Variants in EIF3CL observed in about 807,000 individuals in gnomAD.
EIF3CL encodes the protein eukaryotic translation initiation factor 3 subunit C-like protein.
For missense variants in EIF3CL, 5 were observed against 56.1 expected (o/e 0.09, Z 2.91); for synonymous variants, 2 against 19.6 (o/e 0.10, Z 2.37).
chr16:28,418,742 G>A, the EIF3CL span, among the ~76,000 whole-genome samples: 1 of 151,406 alleles, frequency 6.6e-6, no homozygotes, highest in Admixed American at 6.6e-5. Flanking sequence ...GGATTCTCCT[G>A]CCTCAGCATC....
chr16:28,423,853 G>A, the EIF3CL span, among the ~76,000 whole-genome samples: 2 of 111,664 alleles, frequency 1.8e-5, no homozygotes, highest in Admixed American at 1.1e-4. Context: ...ACGGAGTCTT[G>A]CTCTGTTGCC....
the EIF3CL span, among the ~76,000 whole-genome samples, chr16:28,410,851 C>G: frequency 8.5e-6 from 1 of 118,170 alleles, no homozygotes; most frequent in African/African-American, 3.1e-5. Flanking sequence ...ATCATCCTGC[C>G]TCAGCCTCCC....
the EIF3CL span, among the ~76,000 whole-genome samples, chr16:28,422,662 G>A: frequency 7.5e-5 from 11 of 146,516 alleles, no homozygotes; most frequent in African/African-American, 1.5e-4. Flanking sequence ...GTGAAACCCC[G>A]TCTTTACTAA....
At chr16:28,403,167 T>C (rs1276051098) in intron 2 of EIF3CL, among the ~76,000 whole-genome samples, 1 of 131,234 alleles carries the variant, frequency 7.6e-6, no homozygotes, top group Non-Finnish European at 1.7e-5. Context: ...CAATCAAGCA[T>C]TTTGCATTTC....
intron 15 of EIF3CL, among the ~76,000 whole-genome samples, chr16:28,385,425 G>C (rs1222843191): frequency 2.5e-5 from 3 of 120,482 alleles, no homozygotes; most frequent in African/African-American, 8.6e-5. Flanking sequence ...TCGACCTCCT[G>C]AGCTCAAGCA....
the EIF3CL span, among the ~76,000 whole-genome samples, chr16:28,417,254 C>G: frequency 2.0e-5 from 3 of 149,610 alleles, no homozygotes; most frequent in Admixed American, 2.0e-4. Context: ...CGCCTCTGCC[C>G]GGCCGCCCCT....
chr16:28,417,789 T>C, the EIF3CL span, among the ~76,000 whole-genome samples: 1 of 129,254 alleles, frequency 7.7e-6, no homozygotes, highest in South Asian at 2.3e-4. Context: ...TCCCCCTCTG[T>C]GAGAAACACC....
the EIF3CL span, among the ~76,000 whole-genome samples, chr16:28,412,267 GTT>G: frequency 1.7e-3 from 22 of 12,884 alleles, no homozygotes; most frequent in Non-Finnish European, 2.5e-3. Context: ...CTAGTAGCTA[GTT>G]TTTTTTTTTT....
At chr16:28,422,594 A>C in the EIF3CL span, among the ~76,000 whole-genome samples, 11 of 141,406 alleles carry the variant, frequency 7.8e-5, no homozygotes, top group Admixed American at 8.1e-4. Context: ...GCAATCTGGG[A>C]GGCCGAAGCA....
At chr16:28,385,433 G>A (rs1350852989) in intron 15 of EIF3CL, among the ~76,000 whole-genome samples, 2 of 119,962 alleles carry the variant, frequency 1.7e-5, no homozygotes, top group Non-Finnish European at 3.7e-5. Context: ...CTGAGCTCAA[G>A]CAATCCTACC....
the EIF3CL span, among the ~76,000 whole-genome samples, chr16:28,415,179 C>T: frequency 9.8e-6 from 1 of 102,370 alleles, no homozygotes; most frequent in Non-Finnish European, 1.9e-5. Flanking sequence ...TCCCCCTCCC[C>T]GCCCTCTCCA....
the EIF3CL span, among the ~76,000 whole-genome samples, chr16:28,417,073 G>A: frequency 2.5e-5 from 2 of 79,364 alleles, no homozygotes; most frequent in African/African-American, 9.6e-5. Context: ...GGGCGCCTCT[G>A]CCCGGCCGCC....
chr16:28,417,222 G>T, the EIF3CL span, among the ~76,000 whole-genome samples: 2 of 149,048 alleles, frequency 1.3e-5, no homozygotes, highest in Non-Finnish European at 3.0e-5. Context: ...CCGGCGAGCC[G>T]CCCCATCCGG....
chr16:28,417,872 C>CAAAAA, the EIF3CL span, among the ~76,000 whole-genome samples: 6 of 109,678 alleles, frequency 5.5e-5, no homozygotes, highest in African/African-American at 2.0e-4. Context: ...TTTAGGAATG[C>CAAAAA]AAAAAAAAAA....
At chr16:28,423,864 C>G in the EIF3CL span, among the ~76,000 whole-genome samples, 1 of 117,430 alleles carries the variant, frequency 8.5e-6, no homozygotes, top group African/African-American at 2.7e-5. Flanking sequence ...CTCTGTTGCC[C>G]AGGCTGGAGT....
At chr16:28,417,789 T>TGA in the EIF3CL span, among the ~76,000 whole-genome samples, 1 of 129,254 alleles carries the variant, frequency 7.7e-6, no homozygotes, top group Non-Finnish European at 1.6e-5. Context: ...TCCCCCTCTG[T>TGA]GAGAAACACC....
At chr16:28,402,335 G>A (rs2045660618) in intron 2 of EIF3CL, among the ~76,000 whole-genome samples, 1 of 143,002 alleles carries the variant, frequency 7.0e-6, no homozygotes, top group South Asian at 2.2e-4. Context: ...TATCGCCCAG[G>A]CTGCAGTGCA....
upstream of EIF3CL, among the ~76,000 whole-genome samples, chr16:28,406,253 G>GTA (rs1485258587): frequency 2.5e-4 from 4 of 15,720 alleles, no homozygotes; most frequent in East Asian, 3.2e-3. Context: ...ATATGTGTGT[G>GTA]TGTATATATA....
chr16:28,417,249 C>G, the EIF3CL span, among the ~76,000 whole-genome samples: 1 of 149,652 alleles, frequency 6.7e-6, no homozygotes, highest in African/African-American at 2.5e-5. Flanking sequence ...AGGGGCGCCT[C>G]TGCCCGGCCG....
Sources: allele counts gnomAD v4.1 joint callset (sites outside exome capture counted in the v4.1 genomes callset), GRCh38; gene constraint gnomAD v4.1.1; transcripts MANE v1.5; gene names NCBI Gene and HGNC (gene_info 2026-07-23, HGNC 2026-07-21).